ENTREP2: variants seen among roughly 807,000 people sequenced by gnomAD.
ENTREP2 encodes endosomal transmembrane epsin interactor 2.
chr15:29,338,841 T>C, the ENTREP2 span, among the ~76,000 whole-genome samples: 2 of 152,320 alleles, frequency 1.3e-5, no homozygotes, highest in Admixed American at 6.5e-5. Context: ...GTGGGAGGCA[T>C]AGTAAACATT....
chr15:29,160,231 G>A, the ENTREP2 span, among the ~76,000 whole-genome samples: 1 of 152,202 alleles, frequency 6.6e-6, no homozygotes, highest in East Asian at 1.9e-4. Flanking sequence ...AGTACCACGC[G>A]CAGCCCCGGT....
At chr15:29,443,657 C>G in the ENTREP2 span, among the ~76,000 whole-genome samples, 1 of 151,894 alleles carries the variant, frequency 6.6e-6, no homozygotes, top group Admixed American at 6.6e-5. Context: ...AAAAGAAACA[C>G]AAGTTACAGT....
chr15:29,667,487 C>CT, the ENTREP2 span, among the ~76,000 whole-genome samples: 3,008 of 104,646 alleles, frequency 0.029, 179 homozygotes, highest in African/African-American at 0.087. Context: ...TGCGCCTGGC[C>CT]TTTTTTTTTT....
At chr15:29,214,711 A>T in the ENTREP2 span, among the ~76,000 whole-genome samples, 40 of 152,172 alleles carry the variant, frequency 2.6e-4, no homozygotes, top group Non-Finnish European at 4.1e-4. Context: ...AATGTAAAAA[A>T]AAAAGGAGCA....
the ENTREP2 span, among the ~76,000 whole-genome samples, chr15:29,416,165 C>A: frequency 2.6e-5 from 4 of 152,130 alleles, no homozygotes; most frequent in South Asian, 8.3e-4. Flanking sequence ...TCATATGGAA[C>A]CAAAAAAGAG....
At chr15:29,600,427 A>G in the ENTREP2 span, among the ~76,000 whole-genome samples, 1 of 134,988 alleles carries the variant, frequency 7.4e-6, no homozygotes. Context: ...AGCCCATCCC[A>G]GTTCTCTCCC....
the ENTREP2 span, among the ~76,000 whole-genome samples, chr15:29,439,284 T>TACAAACACACACAC: frequency 1.2e-3 from 117 of 97,136 alleles, no homozygotes; most frequent in African/African-American, 5.7e-3. Context: ...AAATTGGAAT[T>TACAAACACACACAC]ACACACACAC....
At chr15:29,616,381 G>C in the ENTREP2 span, among the ~76,000 whole-genome samples, 10 of 152,092 alleles carry the variant, frequency 6.6e-5, no homozygotes, top group Admixed American at 2.0e-4. Flanking sequence ...CCCGGTCAGG[G>C]CTGATGGCTG....
the ENTREP2 span, among the ~76,000 whole-genome samples, chr15:29,404,197 G>A: frequency 0.33 from 50,158 of 151,878 alleles, 8,780 homozygotes; most frequent in African/African-American, 0.44. Flanking sequence ...TAGCCCCGGT[G>A]AAAAGACACA....
At chr15:29,174,054 T>C in the ENTREP2 span, among the ~76,000 whole-genome samples, 2 of 151,580 alleles carry the variant, frequency 1.3e-5, no homozygotes, top group Non-Finnish European at 2.9e-5. Flanking sequence ...TTAAAGGAAA[T>C]ATAACACAAT....
chr15:29,220,598 C>G, the ENTREP2 span, among the ~76,000 whole-genome samples: 16 of 152,128 alleles, frequency 1.1e-4, no homozygotes, highest in African/African-American at 3.6e-4. Flanking sequence ...CTACCTGCTC[C>G]ACAGGAACGG....
At chr15:29,641,604 G>A in the ENTREP2 span, among the ~76,000 whole-genome samples, 207 of 152,012 alleles carry the variant, frequency 1.4e-3, 1 homozygote, top group African/African-American at 4.7e-3. Flanking sequence ...GGCTAAGGTG[G>A]GCAGATCACT....
the ENTREP2 span, among the ~76,000 whole-genome samples, chr15:29,212,219 C>G: frequency 2.9e-4 from 44 of 152,166 alleles, no homozygotes; most frequent in African/African-American, 9.9e-4. Context: ...TTGTATTTTT[C>G]CAGGAATTTA....
the ENTREP2 span, among the ~76,000 whole-genome samples, chr15:29,545,038 G>C: frequency 2.0e-5 from 3 of 152,228 alleles, no homozygotes; most frequent in African/African-American, 7.2e-5. Flanking sequence ...TGTGTGGACA[G>C]AAGGTTGCCT....
chr15:29,648,214 C>T, the ENTREP2 span, among the ~76,000 whole-genome samples: 1 of 152,172 alleles, frequency 6.6e-6, no homozygotes, highest in Non-Finnish European at 1.5e-5. Context: ...GAAACCGCTC[C>T]TGATTTAGGC....
At chr15:29,647,633 G>GT in the ENTREP2 span, among the ~76,000 whole-genome samples, 1 of 152,120 alleles carries the variant, frequency 6.6e-6, no homozygotes, top group Non-Finnish European at 1.5e-5. Context: ...TATTTGGGCA[G>GT]TAATACCTCA....
the ENTREP2 span, among the ~76,000 whole-genome samples, chr15:29,320,953 T>C: frequency 2.2e-4 from 34 of 152,262 alleles, no homozygotes; most frequent in African/African-American, 7.5e-4. Context: ...AAAAAGAGAA[T>C]GGAATAGATG....
At chr15:29,259,331 CCTT>C in the ENTREP2 span, among the ~76,000 whole-genome samples, 1 of 152,192 alleles carries the variant, frequency 6.6e-6, no homozygotes, top group Non-Finnish European at 1.5e-5. Context: ...TCAAATATTT[CCTT>C]CTTGACCAAT....
At chr15:29,539,256 C>G in the ENTREP2 span, among the ~76,000 whole-genome samples, 21 of 140,426 alleles carry the variant, frequency 1.5e-4, no homozygotes, top group African/African-American at 5.5e-4. Flanking sequence ...CTCATGCTTC[C>G]TAAATCAACG....
Sources: allele counts gnomAD v4.1 joint callset (sites outside exome capture counted in the v4.1 genomes callset), GRCh38; gene constraint gnomAD v4.1.1; transcripts MANE v1.5; gene names NCBI Gene and HGNC (gene_info 2026-07-23, HGNC 2026-07-21).